Variants in PRDM5 observed in about 807,000 individuals in gnomAD.
PRDM5 encodes PR domain zinc finger protein 5.
PRDM5 carries 56 observed loss-of-function variants against 81.2 expected under a neutral mutation model. That is an observed-to-expected ratio of 0.69 (90% confidence interval 0.56 to 0.86). The LOEUF (loss-of-function observed/expected upper bound fraction) is 0.86. Among genes scored for constraint, PRDM5 ranks in the 40% least tolerant of loss-of-function variants. The pLI, the probability that PRDM5 is intolerant of heterozygous loss-of-function variation, is 0.00. For synonymous variants in PRDM5, 267 were observed against 256.4 expected (o/e 1.04, Z -0.39); for missense variants, 697 against 770.1 (o/e 0.91, Z 1.12).
At chr4:120,792,007 CTG>C (rs1263153150) in intron 10 of PRDM5, among the ~76,000 whole-genome samples, 2 of 152,254 alleles carry the variant, frequency 1.3e-5, no homozygotes, top group Admixed American at 1.3e-4. Flanking sequence ...TGAGAAATAA[CTG>C]TTTGTTGTTT....
chr4:120,863,191 T>TATATATACACAC (rs1553997193), intron 2 of PRDM5, among the ~76,000 whole-genome samples: 14 of 70,308 alleles, frequency 2.0e-4, no homozygotes, highest in East Asian at 7.4e-4. Flanking sequence ...TATATATATA[T>TATATATACACAC]ACACACACAC....
chr4:120,724,838 T>C (rs1252815554), intron 14 of PRDM5, among the ~76,000 whole-genome samples: 2 of 152,206 alleles, frequency 1.3e-5, no homozygotes, highest in Admixed American at 6.5e-5. Flanking sequence ...GCCAAGTTTA[T>C]GTCAACAGGT....
intron 3 of PRDM5, among the ~76,000 whole-genome samples, chr4:120,835,374 G>A (rs963429233): frequency 6.6e-6 from 1 of 152,188 alleles, no homozygotes; most frequent in Admixed American, 6.5e-5. Context: ...ATGCACATGT[G>A]TGCCTATGCC....
chr4:120,769,710 C>T (rs1454186384), intron 13 of PRDM5, among the ~76,000 whole-genome samples: 1 of 152,112 alleles, frequency 6.6e-6, no homozygotes, highest in Non-Finnish European at 1.5e-5. Context: ...TTGTGGGATT[C>T]CTTTTTCAAG....
chr4:120,900,537 CAG>C (rs1190191095), intron 2 of PRDM5, among the ~76,000 whole-genome samples: 1 of 152,104 alleles, frequency 6.6e-6, no homozygotes, highest in Admixed American at 6.6e-5. Context: ...CAAGGACAAA[CAG>C]AGGTTATTAA....
At chr4:120,825,419 G>A (rs1250533074) in intron 3 of PRDM5, among the ~76,000 whole-genome samples, 2 of 152,094 alleles carry the variant, frequency 1.3e-5, no homozygotes, top group African/African-American at 4.8e-5. Context: ...AATTCGTTTG[G>A]TCAAAATGCT....
At chr4:120,773,232 T>C (rs2149215154) in intron 13 of PRDM5, among the ~76,000 whole-genome samples, 1 of 152,316 alleles carries the variant, frequency 6.6e-6, no homozygotes, top group South Asian at 2.1e-4. Flanking sequence ...TTAAACATTT[T>C]GTGAACATTT....
At chr4:120,698,169 C>T (rs942280074) in intron 15 of PRDM5, among the ~76,000 whole-genome samples, 2 of 152,060 alleles carry the variant, frequency 1.3e-5, no homozygotes, top group Admixed American at 1.3e-4. Context: ...TTCACTTAAG[C>T]AGCAAGTCCA....
chr4:120,748,526 C>T (rs115827726), intron 14 of PRDM5, among the ~76,000 whole-genome samples: 5,313 of 151,908 alleles, frequency 0.035, 301 homozygotes, highest in African/African-American at 0.12. Context: ...CCTGTAGTCT[C>T]AGCTACTCAG....
chr4:120,799,594 T>C (rs1168567682), intron 9 of PRDM5, 67 bp downstream of exon 9: 1 of 1,573,956 alleles, frequency 6.4e-7, no homozygotes, highest in Non-Finnish European at 8.6e-7. Flanking sequence ...TCTTAGAGTT[T>C]ATAAAAAGTG....
chr4:120,697,176 C>T (rs2148988537), intron 15 of PRDM5, among the ~76,000 whole-genome samples: 1 of 152,240 alleles, frequency 6.6e-6, no homozygotes, highest in South Asian at 2.1e-4. Context: ...TTGAGAAATA[C>T]ATTTACAAAA....
intron 14 of PRDM5, among the ~76,000 whole-genome samples, chr4:120,746,043 C>T (rs1325824154): frequency 6.9e-6 from 1 of 145,082 alleles, no homozygotes; most frequent in South Asian, 2.3e-4. Flanking sequence ...TACTACAAGG[C>T]TACAGTAACC....
At chr4:120,719,573 G>C (rs534440989) in intron 14 of PRDM5, among the ~76,000 whole-genome samples, 91 of 152,200 alleles carry the variant, frequency 6.0e-4, no homozygotes, top group Non-Finnish European at 9.9e-4. Context: ...TCATAATCTA[G>C]ATGAACAAAT....
At chr4:120,877,932 G>T (rs564009381) in intron 2 of PRDM5, among the ~76,000 whole-genome samples, 57 of 148,876 alleles carry the variant, frequency 3.8e-4, no homozygotes, top group African/African-American at 1.3e-3. Context: ...GATAAAAGAA[G>T]AATAAAATAA....
intron 8 of PRDM5, among the ~76,000 whole-genome samples, chr4:120,803,691 C>T (rs886199923): frequency 3.9e-5 from 6 of 152,168 alleles, no homozygotes; most frequent in African/African-American, 1.4e-4. Context: ...CCTACAAGAG[C>T]TCCTGAAGGA....
Position 120,907,100 on chromosome 4 carries a change from C to T in PRDM5, c.177+374G>A, listed in dbSNP as rs145482555. On this transcript the variant is annotated intron_variant, in intron 2 of 15. Coordinates refer to ENST00000264808, the MANE Select transcript of PRDM5 (RefSeq NM_018699.4). ...CTGTAATCATAGCACTCTGGGAGGC[C>T]GAGACGGGTAGATCACCTGAGGTCA... Among the ~76,000 whole-genome samples, 1,240 of 151,612 alleles carry T rather than the reference C, an allele frequency of 8.2e-3. 17 individuals carry two copies. The highest frequency in any genetic ancestry group is 0.028 in the African/African-American group (1,175 of 41,354).
rs182473991 is a variant in PRDM5 at position 120,922,446 on chromosome 4, G to A, written c.93+70C>T. ...AGCCCGCCGCGCCCCGGGCCCTGCG[G>A]CAGGGCGACTCCGGGAGGCACAGGG... On this transcript the variant is annotated intron_variant, in intron 1 of 15. Coordinates refer to ENST00000264808, the MANE Select transcript of PRDM5 (RefSeq NM_018699.4). 7.5e-5 allele frequency: 97 copies of A among 1,287,376 alleles called. No individual in the cohort carries two copies. The African/African-American group carries it at 1.1e-3, about 14-fold the overall frequency. 79.7% of individuals were successfully genotyped at this position (1,287,376 alleles called of 1,614,324 possible).
chr4:120,803,965 C>T lies in PRDM5; in HGVS notation c.946-4220G>A, dbSNP rs564195786. Among the ~76,000 whole-genome samples the T allele has an allele frequency of 2.6e-5, 4 of 152,224 alleles. No homozygotes were observed. In the South Asian group the frequency reaches 6.2e-4, roughly 24 times the overall value. ...TGCAGTATTCAGGAGACCCATCTCACGTGCAGAGTCACAAATAGGCTCAAA... is the reference window on the plus strand; with the variant it reads ...TGCAGTATTCAGGAGACCCATCTCATGTGCAGAGTCACAAATAGGCTCAAA... On this transcript the variant is annotated intron_variant, in intron 8 of 15. Transcript: ENST00000264808.
chr4:120,728,254 A>T (rs921381143), intron 14 of PRDM5, among the ~76,000 whole-genome samples: 1 of 152,022 alleles, frequency 6.6e-6, no homozygotes, highest in African/African-American at 2.4e-5. Context: ...TAAATCAGAG[A>T]TTTATAAAAG....
Sources: gnomAD v4.1 joint callset for allele counts (sites outside exome capture counted in the v4.1 genomes callset) on GRCh38, gnomAD v4.1.1 for gene constraint, MANE v1.5 for transcripts, NCBI Gene and HGNC (gene_info 2026-07-23, HGNC 2026-07-21) for gene names.